ANK2: variants seen among roughly 807,000 people sequenced by gnomAD.
The protein encoded by ANK2 is ankyrin-2.
In ANK2, 83 loss-of-function variants were observed where a neutral mutation model predicts 360.5. That is an observed-to-expected ratio of 0.23 (90% confidence interval 0.19 to 0.28). The LOEUF (loss-of-function observed/expected upper bound fraction) is 0.28, where lower values mean the gene tolerates loss of function less well. Among genes scored for constraint, ANK2 ranks in the 10% least tolerant of loss-of-function variants. ANK2 has a pLI of 1.00. For synonymous variants in ANK2, 1,740 were observed against 1,759.5 expected (o/e 0.99, Z 0.28); for missense variants, 4,201 against 4,795.7 (o/e 0.88, Z 3.66).
At chr4:113,069,543 T>C (rs2076813238) in intron 1 of ANK2, among the ~76,000 whole-genome samples, 1 of 152,230 alleles carries the variant, frequency 6.6e-6, no homozygotes, top group Non-Finnish European at 1.5e-5. Context: ...CAAAATTACC[T>C]TTTGCCTTTG....
At chr4:113,058,201 T>A (rs532324770) in intron 1 of ANK2, among the ~76,000 whole-genome samples, 1 of 152,126 alleles carries the variant, frequency 6.6e-6, no homozygotes, top group East Asian at 1.9e-4. Flanking sequence ...ACACACATAG[T>A]TAAAGGAATA....
At chr4:113,033,484 C>G (rs772757274) in intron 2 of ANK2, among the ~76,000 whole-genome samples, 2 of 151,886 alleles carry the variant, frequency 1.3e-5, no homozygotes, top group Non-Finnish European at 2.9e-5. Flanking sequence ...CCAAACAAAA[C>G]AAAACTCGTC....
chr4:112,902,881 T>C (rs2083894704), intron 1 of ANK2, among the ~76,000 whole-genome samples: 1 of 152,154 alleles, frequency 6.6e-6, no homozygotes, highest in Non-Finnish European at 1.5e-5. Flanking sequence ...GTAGATCAAG[T>C]AAGATAAGGG....
rs1251628202 is a variant in ANK2, at chr4:113,174,406, T to C, written c.85-10T>C. Reference sequence around the variant, plus strand: ...AATAGTTCATTAAAGGTCTTTTATTTTTCTCGCAGTCTGACAGCAATGCAA... The same window carrying C: ...AATAGTTCATTAAAGGTCTTTTATTCTTCTCGCAGTCTGACAGCAATGCAA... On this transcript the variant is annotated splice_polypyrimidine_tract_variant and intron_variant, in intron 1 of 45. Transcript: ENST00000357077. The C allele has an allele frequency of 6.2e-7, 1 of 1,606,898 alleles. No individual in the cohort carries two copies. The highest frequency in any genetic ancestry group is 1.7e-5 in the Admixed American group (1 of 59,728).
At chr4:112,768,716 G>A in the ANK2 span, among the ~76,000 whole-genome samples, 10 of 152,092 alleles carry the variant, frequency 6.6e-5, no homozygotes, top group Admixed American at 6.6e-4. Context: ...TCAGAGATCA[G>A]TTTATGCTGA....
chr4:113,305,698 G>C lies in ANK2; in HGVS notation c.2548+2859G>C, dbSNP rs918244920. 7.9e-5 allele frequency among the ~76,000 whole-genome samples: 12 copies of C among 152,282 alleles called. 1 individual carries two copies. The Middle Eastern group carries it at 0.01, about 129-fold the overall frequency. ...GCCAATGCCAACACTTTAATGTTTT[G>C]TGAGGTTAATATGTTTTTATGAAAC... is the stretch of plus-strand genomic sequence containing the variant. On this transcript the variant is annotated intron_variant, in intron 23 of 45. Coordinates refer to ENST00000357077, the MANE Select transcript of ANK2 (RefSeq NM_001148.6).
intron 1 of ANK2, among the ~76,000 whole-genome samples, chr4:113,073,500 A>T (rs2078617782): frequency 6.6e-6 from 1 of 152,162 alleles, no homozygotes; most frequent in South Asian, 2.1e-4. Flanking sequence ...CTAGGATGCC[A>T]GCCTGAAGCG....
chr4:113,137,079 C>A (rs947065993), intron 1 of ANK2, among the ~76,000 whole-genome samples: 1 of 152,174 alleles, frequency 6.6e-6, no homozygotes, highest in Non-Finnish European at 1.5e-5. Context: ...GGTGATCCAC[C>A]CACCTTGGCC....
chr4:112,719,723 ACTC>A, the ANK2 span, among the ~76,000 whole-genome samples: 1 of 140,126 alleles, frequency 7.1e-6, no homozygotes, highest in South Asian at 2.4e-4. Flanking sequence ...CGAGACTCCG[ACTC>A]AAAAAAAAAA....
At chr4:113,225,231 TCA>T in intron 4 of ANK2, among the ~76,000 whole-genome samples, 1 of 152,318 alleles carries the variant, frequency 6.6e-6, no homozygotes, top group Admixed American at 6.5e-5. Context: ...AGTTAATTGC[TCA>T]GTCTTTAGTA....
chr4:113,359,149 C>G lies in ANK2; in HGVS notation c.10531C>G (p.Leu3511Val), dbSNP rs148462839. Residue 3511 changes from leucine (L) to valine (V), a missense_variant, in exon 38 of 46, where the codon CTG becomes GTG. Physicochemically the swap from Leu to Val is conservative, Grantham distance 32. This residue lies in a region of ANK2 where 2,642 missense variants were observed against 2,714.5 expected (regional missense o/e 0.97). Transcript: ENST00000357077. ...IVSDDESSSALEVSVIENLPP... is the reference protein window; with the variant it reads ...IVSDDESSSAVEVSVIENLPP... The stretch of plus-strand genomic sequence containing the variant: ...TTCAGACGATGAAAGTAGTAGTGCC[C>G]TGGAAGTATCAGTAATTGAAAATCT... 3 of 1,613,512 alleles carry G rather than the reference C, an allele frequency of 1.9e-6. No homozygotes were observed. Among genetic ancestry groups the G allele is most frequent in the Non-Finnish European group, 2.5e-6 (3 of 1,179,666 alleles).
In ANK2 at chr4:113,233,104, C is replaced by CTTTTTTT. The variant is rs1563056547; in HGVS notation, c.483+846_483+847insTTTTTTT. ...ACCAGAGTATATGGGCTTGGCTTTT[C>CTTTTTTT]TGTTTTTTTTTTTTTTTTTTTTTTT... On this transcript the variant is annotated intron_variant, in intron 5 of 45. Coordinates refer to ENST00000357077, the MANE Select transcript of ANK2 (RefSeq NM_001148.6). Among the ~76,000 whole-genome samples the CTTTTTTT allele has an allele frequency of 3.1e-4, 9 of 29,296 alleles. 4 individuals are homozygous for CTTTTTTT. Among genetic ancestry groups the CTTTTTTT allele is most frequent in the Admixed American group, 7.5e-4 (2 of 2,670 alleles). The allele number at this position is 29,296 out of a possible 152,430, so 19.2% of individuals were successfully genotyped here. A position where few individuals can be genotyped will look rare whatever the true frequency, so the allele number is the denominator to read the frequency against.
chr4:113,047,269 G>A (rs2064818707), upstream of ANK2, among the ~76,000 whole-genome samples: 1 of 152,168 alleles, frequency 6.6e-6, no homozygotes, highest in Non-Finnish European at 1.5e-5. Flanking sequence ...AGTAACATGT[G>A]TCTCTCATCA....
In ANK2 at chr4:113,356,626, T is replaced by G. The variant is rs1210753042; in HGVS notation, c.8008T>G (p.Leu2670Val). 3 of 1,613,924 alleles carry G rather than the reference T, an allele frequency of 1.9e-6. No homozygotes were observed. The highest frequency in any genetic ancestry group is 4.5e-5 in the East Asian group (2 of 44,886). The change falls in exon 38 of 46, where the codon TTG becomes GTG. Residue 2670 changes from leucine to valine, a missense_variant. Physicochemically the swap from Leu to Val is conservative, Grantham distance 32. Coordinates refer to ENST00000357077, the MANE Select transcript of ANK2 (RefSeq NM_001148.6). Reference sequence around the variant, plus strand: ...TTCCTCCTCAGAAAGTGAACCTGAGTTGGCACAGCTTAAAAAAGGTGCTGA... The same window carrying G: ...TTCCTCCTCAGAAAGTGAACCTGAGGTGGCACAGCTTAAAAAAGGTGCTGA... ...VSSSSESEPE[L>V]AQLKKGADSG...
intron 34 of ANK2, among the ~76,000 whole-genome samples, chr4:113,344,174 T>C (rs1431810235): frequency 6.6e-6 from 1 of 152,304 alleles, no homozygotes; most frequent in South Asian, 2.1e-4. Context: ...ATTAAGCTAA[T>C]GTTTGACATC....
At chr4:112,782,071 G>A in the ANK2 span, among the ~76,000 whole-genome samples, 103 of 152,116 alleles carry the variant, frequency 6.8e-4, no homozygotes, top group African/African-American at 2.3e-3. Flanking sequence ...CTCGTGATCC[G>A]CCAGTCTCGG....
intron 1 of ANK2, among the ~76,000 whole-genome samples, chr4:113,126,939 G>C (rs1382093244): frequency 6.6e-6 from 1 of 152,060 alleles, no homozygotes; most frequent in Non-Finnish European, 1.5e-5. Context: ...CACTGTAATT[G>C]GCCTTCACAT....
the ANK2 span, among the ~76,000 whole-genome samples, chr4:112,756,610 A>G: frequency 6.6e-6 from 1 of 152,188 alleles, no homozygotes; most frequent in Non-Finnish European, 1.5e-5. Flanking sequence ...TCTGTGATGG[A>G]AGCTGAGGAA....
At chr4:112,826,511 G>A (rs1190928820) in intron 1 of ANK2, 2 of 1,222,938 alleles carry the variant, frequency 1.6e-6, no homozygotes, top group Admixed American at 1.8e-5. Flanking sequence ...CATCTGACAA[G>A]CCTGTTATTG....
Sources: gnomAD v4.1 joint callset for allele counts (sites outside exome capture counted in the v4.1 genomes callset) on GRCh38, gnomAD v4.1.1 for gene constraint, gnomAD v4.1.1 regional missense constraint, MANE v1.5 for transcripts, NCBI Gene and HGNC (gene_info 2026-07-23, HGNC 2026-07-21) for gene names.